The following STEAP1B variants were observed in gnomAD, a reference collection of about 807,000 sequenced individuals.
STEAP1B encodes STEAP family member 1B.
STEAP1B carries 13 observed loss-of-function variants against 27.9 expected under a neutral mutation model. The observed-to-expected ratio is 0.47, with a 90% confidence interval of 0.30 to 0.74. The LOEUF is 0.74. Among genes scored for constraint, STEAP1B ranks in the 30% least tolerant of loss-of-function variants. The probability of loss-of-function intolerance (pLI) is 0.06; values close to 1 mark genes in which losing one functional copy is unlikely to be tolerated. For missense variants in STEAP1B, 250 were observed against 298.7 expected (o/e 0.84, Z 1.20); for synonymous variants, 86 against 107.1 (o/e 0.80, Z 1.22).
intron 4 of STEAP1B, among the ~76,000 whole-genome samples, chr7:22,456,972 A>ATATATATATATATATAT: frequency 1.8e-5 from 1 of 57,082 alleles, no homozygotes; most frequent in African/African-American, 7.0e-5. Context: ...ATATATATAT[A>ATATATATATATATATAT]TTTTTTTTTT....
chr7:22,491,755 G>C (rs1352572532), intron 4 of STEAP1B, among the ~76,000 whole-genome samples: 1 of 152,066 alleles, frequency 6.6e-6, no homozygotes, highest in Non-Finnish European at 1.5e-5. Flanking sequence ...TGCCAGGTAA[G>C]GACTAAGGAC....
chr7:22,483,329 T>C (rs1786119246), intron 4 of STEAP1B, among the ~76,000 whole-genome samples: 1 of 152,160 alleles, frequency 6.6e-6, no homozygotes, highest in African/African-American at 2.4e-5. Flanking sequence ...CACATATGGA[T>C]GAGGGGTACA....
chr7:22,464,676 C>G (rs962042019), intron 4 of STEAP1B, among the ~76,000 whole-genome samples: 1 of 151,730 alleles, frequency 6.6e-6, no homozygotes, highest in Admixed American at 6.6e-5. Flanking sequence ...ATCAGAGATG[C>G]ACGCACACAG....
chr7:22,439,774 A>G (rs1583632393), intron 4 of STEAP1B, among the ~76,000 whole-genome samples: 2 of 152,332 alleles, frequency 1.3e-5, no homozygotes, highest in East Asian at 1.9e-4. Flanking sequence ...AAAATTACAA[A>G]TATTTCTACA....
intron 4 of STEAP1B, among the ~76,000 whole-genome samples, chr7:22,437,769 A>G (rs1037900953): frequency 6.6e-6 from 1 of 152,062 alleles, no homozygotes; most frequent in African/African-American, 2.4e-5. Flanking sequence ...AACACTTCTT[A>G]TTTGCTTTTT....
chr7:22,476,330 G>A (rs1785971578), intron 4 of STEAP1B, among the ~76,000 whole-genome samples: 1 of 152,186 alleles, frequency 6.6e-6, no homozygotes, highest in Admixed American at 6.5e-5. Context: ...ACAAGACATA[G>A]GGTCTATTAG....
chr7:22,437,930 C>G (rs1198458848), intron 4 of STEAP1B, among the ~76,000 whole-genome samples: 1 of 152,098 alleles, frequency 6.6e-6, no homozygotes, highest in Non-Finnish European at 1.5e-5. Flanking sequence ...TATTCATTTT[C>G]TTTGCTCATT....
At chr7:22,427,964 T>C (rs1268284035) in intron 4 of STEAP1B, among the ~76,000 whole-genome samples, 2 of 152,362 alleles carry the variant, frequency 1.3e-5, no homozygotes, top group East Asian at 1.9e-4. Flanking sequence ...CAGGTTTGTA[T>C]GCTGAACTGG....
chr7:22,436,462 A>T (rs941176780), intron 4 of STEAP1B, among the ~76,000 whole-genome samples: 2 of 152,132 alleles, frequency 1.3e-5, no homozygotes, highest in Non-Finnish European at 2.9e-5. Context: ...TTTGTCATAT[A>T]GGTAAACTTG....
At chr7:22,477,983 A>C (rs184682354) in intron 4 of STEAP1B, among the ~76,000 whole-genome samples, 2 of 152,280 alleles carry the variant, frequency 1.3e-5, no homozygotes, top group East Asian at 3.9e-4. Context: ...ACTCCGTGCC[A>C]AGGTGCTGTG....
chr7:22,491,250 A>G (rs552361985), intron 4 of STEAP1B, among the ~76,000 whole-genome samples: 54 of 152,368 alleles, frequency 3.5e-4, no homozygotes, highest in South Asian at 1.5e-3. Flanking sequence ...TAATATCTAT[A>G]TTCATATCTA....
At chr7:22,468,724 T>C (rs1461514434) in intron 4 of STEAP1B, among the ~76,000 whole-genome samples, 1 of 152,324 alleles carries the variant, frequency 6.6e-6, no homozygotes, top group East Asian at 1.9e-4. Flanking sequence ...ATAATGATGT[T>C]CAGACAACAA....
At chr7:22,464,177 A>G (rs1268649157) in intron 4 of STEAP1B, among the ~76,000 whole-genome samples, 1 of 152,214 alleles carries the variant, frequency 6.6e-6, no homozygotes, top group African/African-American at 2.4e-5. Context: ...ATATTAAAAT[A>G]TTTAAATTTA....
intron 4 of STEAP1B, among the ~76,000 whole-genome samples, chr7:22,477,736 T>G (rs556602810): frequency 6.6e-6 from 1 of 152,350 alleles, no homozygotes; most frequent in Non-Finnish European, 1.5e-5. Flanking sequence ...AAGAGGTTTT[T>G]TTTTTTAATG....
rs568191912 is a variant in STEAP1B, at chr7:22,496,493, C to T, written c.-31-1607G>A. 5.3e-4 allele frequency among the ~76,000 whole-genome samples: 81 copies of T among 152,310 alleles called. 1 individual carries two copies. The highest frequency in any genetic ancestry group is 1.5e-3 in the African/African-American group (61 of 41,564). On this transcript the variant is annotated intron_variant, in intron 1 of 4. Coordinates refer to ENST00000678116, the MANE Select transcript of STEAP1B (RefSeq NM_001382447.1). ...TCACTCACTGACTCACCCAGAACAA[C>T]TTCCAGTTCTGCAAGTTCCATTCAT...
At chr7:22,456,968 A>ATTTTTTTTTTTTTTTTT (rs1554285700) in intron 4 of STEAP1B, among the ~76,000 whole-genome samples, 1 of 47,944 alleles carries the variant, frequency 2.1e-5, no homozygotes, top group South Asian at 7.3e-4. Flanking sequence ...ATATATATAT[A>ATTTTTTTTTTTTTTTTT]TATATTTTTT....
rs779864266 is a variant in STEAP1B, at chr7:22,493,611, G to A, written c.310C>T (p.Gln104Ter). 7 of 1,613,926 alleles carry A rather than the reference G, an allele frequency of 4.3e-6. No homozygotes were observed. The highest frequency in any genetic ancestry group is 1.7e-5 in the Admixed American group (1 of 60,016). ...VIHPLATSHQ[Q>*]YFYKIPILVI... ...AGGATTGGAATTTTATAAAAATATT[G>A]TTGATGGGAAGTTGCTAAAGGGTGA... is the stretch of plus-strand genomic sequence containing the variant. The change falls in exon 3 of 5, where the codon CAA (glutamine) becomes TAA (stop). Residue 104 changes from glutamine to a stop codon, truncating the protein, a stop_gained. Coordinates refer to ENST00000678116, the MANE Select transcript of STEAP1B (RefSeq NM_001382447.1). LOFTEE classifies it high-confidence loss of function.
chr7:22,428,254 C>G (rs1785134189), intron 4 of STEAP1B, among the ~76,000 whole-genome samples: 1 of 152,172 alleles, frequency 6.6e-6, no homozygotes, highest in Non-Finnish European at 1.5e-5. Flanking sequence ...GAGCACAACC[C>G]ATTATCAATT....
chr7:22,492,702 T>C lies in STEAP1B; in HGVS notation c.625A>G (p.Ile209Val), dbSNP rs192189247. ...QVQQNKEDAW[I>V]EHDVWRMEIY... ...TCCATTCTCCAAACATCATGCTCAATCCAGGCATCTTCTTTATTTTGTTGG... is the reference window on the plus strand; with the variant it reads ...TCCATTCTCCAAACATCATGCTCAACCCAGGCATCTTCTTTATTTTGTTGG... The change falls in exon 4 of 5, where the codon ATT becomes GTT. Residue 209 changes from isoleucine to valine, a missense_variant. Physicochemically the swap from Ile to Val is conservative, Grantham distance 29 (BLOSUM62 3). Transcript: ENST00000678116. 53,967 of 1,603,178 alleles carry C rather than the reference T, an allele frequency of 0.034. 1,831 individuals are homozygous for C. The highest frequency in any genetic ancestry group is 0.17 in the Admixed American group (9,978 of 57,826).
Sources: allele counts gnomAD v4.1 joint callset (sites outside exome capture counted in the v4.1 genomes callset), GRCh38; gene constraint gnomAD v4.1.1; transcripts MANE v1.5; gene names NCBI Gene and HGNC (gene_info 2026-07-23, HGNC 2026-07-21).